Variants in COL9A3 observed in about 807,000 individuals in gnomAD.
The protein encoded by COL9A3 is collagen alpha-3(IX) chain.
In COL9A3, 82 loss-of-function variants were observed where a neutral mutation model predicts 110.2. The ratio of observed to expected loss-of-function variants is 0.74; its 90% CI spans 0.62 to 0.89. COL9A3 has a LOEUF of 0.89. Ranked by LOEUF, COL9A3 falls within the 40% of genes least tolerant of loss-of-function variation. The probability of loss-of-function intolerance (pLI) is 0.00; values close to 1 mark genes in which losing one functional copy is unlikely to be tolerated. For missense variants in COL9A3, 1,066 were observed against 981.3 expected, an observed-to-expected ratio of 1.09 and a Z score of -1.15; for synonymous variants, 494 against 403.8, an observed-to-expected ratio of 1.22 and a Z score of -2.68.
rs2249780 is a variant in COL9A3, at chr20:62,827,459, C to A, written c.846+165C>A. Reference sequence around the variant, plus strand: ...TGAGCCTGACCCTGGAGGGCCCGAGCTCTCTCCCTGGCCCCAGCCGTTCTC... The same window carrying A: ...TGAGCCTGACCCTGGAGGGCCCGAGATCTCTCCCTGGCCCCAGCCGTTCTC... On this transcript the variant is annotated intron_variant, in intron 16 of 31. Coordinates refer to ENST00000649368, the MANE Select transcript of COL9A3 (RefSeq NM_001853.4). Among the ~76,000 whole-genome samples, 18,659 of 152,172 alleles carry A rather than the reference C, an allele frequency of 0.12. 1,363 individuals are homozygous for A. The highest frequency in any genetic ancestry group is 0.16 in the Non-Finnish European group (10,803 of 67,946).
At chr20:62,838,289 G>A (rs2147231279) in intron 30 of COL9A3, among the ~76,000 whole-genome samples, 1 of 152,340 alleles carries the variant, frequency 6.6e-6, no homozygotes, top group East Asian at 1.9e-4. Context: ...TGGGCCGTGT[G>A]CCAGAGCCTG....
Position 62,824,992 on chromosome 20 carries a change from C to T in COL9A3, c.601C>T (p.Gln201Ter). The change falls in exon 12 of 32, where the codon CAG becomes TAG. Residue 201 changes from glutamine to a stop codon, truncating the protein, a stop_gained. Coordinates refer to ENST00000649368, the MANE Select transcript of COL9A3 (RefSeq NM_001853.4). LOFTEE classifies it high-confidence loss of function. ...FKGPTGYKGE[Q>*]GEVGKDGEKG... ...GGGACCCACTGGCTACAAAGGCGAG[C>T]AGGGGGAAGTCGGCAAGGACGGCGA... 1 of 1,610,088 alleles carries T rather than the reference C, an allele frequency of 6.2e-7. No individual in the cohort carries two copies. The highest frequency in any genetic ancestry group is 8.5e-7 in the Non-Finnish European group (1 of 1,179,324).
rs776395616 is a variant in COL9A3 at position 62,829,669 on chromosome 20, G to A, written c.1095G>A (p.Glu365=). 1.1e-5 allele frequency: 17 copies of A among 1,609,314 alleles called. No individual in the cohort carries two copies. In the Admixed American group the frequency reaches 2.2e-4, roughly 21 times the overall value. Residue 365 remains glutamate, a synonymous_variant, in exon 21 of 32, where the codon GAG becomes GAA. Transcript: ENST00000649368. The stretch of plus-strand genomic sequence containing the variant: ...TGGGTGAGGCCGGCCCCTCTGGAGA[G>A]CCAGGCGTCCCTGTGAGTATCTGCG... ...GELGEAGPSG[E]PGVPGDAGMP...
Position 62,818,556 on chromosome 20 carries a change from G to A in COL9A3, c.183+3G>A, listed in dbSNP as rs1242855471. The A allele has an allele frequency of 6.2e-7, 1 of 1,612,818 alleles. No homozygotes were observed. The highest frequency in any genetic ancestry group is 1.1e-5 in the South Asian group (1 of 91,082). On this transcript the variant is annotated splice_donor_region_variant and intron_variant, in intron 3 of 31. Transcript: ENST00000649368. The stretch of plus-strand genomic sequence containing the variant: ...CTCCAGGTCTGCCTGGGCCCCCGGT[G>A]AGTGTCCCTGGCTGGGGAGACAGCC...
chr20:62,819,116 G>A (rs963863766), intron 3 of COL9A3, 106 bp from the exon 4 acceptor site: 48 of 1,132,862 alleles, frequency 4.2e-5, no homozygotes, highest in Admixed American at 1.9e-4. Context: ...GGCCCATCCC[G>A]TATGGTTGGG....
At chr20:62,839,673 C>CT (rs2063660127) in intron 31 of COL9A3, among the ~76,000 whole-genome samples, 1 of 138,936 alleles carries the variant, frequency 7.2e-6, no homozygotes, top group Non-Finnish European at 1.6e-5. Flanking sequence ...CCTCCACCCA[C>CT]CCCACCTCTC....
At chr20:62,823,994 T>C (rs1329333432) in intron 10 of COL9A3, among the ~76,000 whole-genome samples, 6 of 139,778 alleles carry the variant, frequency 4.3e-5, no homozygotes, top group African/African-American at 1.1e-4. Context: ...GTCCCGTCAC[T>C]GTGTGGAGTG....
rs1173918047 is a variant in COL9A3, at chr20:62,826,636, A to G, written c.739-131A>G. The stretch of plus-strand genomic sequence containing the variant: ...AGGGATTTGGAGACTACTAGGTGGC[A>G]TCTTGGGGGAACTTGCTGGGGAGCC... On this transcript the variant is annotated intron_variant, in intron 14 of 31. Transcript: ENST00000649368. 4 of 950,342 alleles carry G rather than the reference A, an allele frequency of 4.2e-6. No individual in the cohort carries two copies. The African/African-American group carries it at 6.5e-5, about 15-fold the overall frequency. The allele number at this position is 950,342 out of a possible 1,614,324, so 58.9% of individuals were successfully genotyped here.
chr20:62,823,172 T>C (rs2063524418), intron 10 of COL9A3, among the ~76,000 whole-genome samples: 1 of 152,182 alleles, frequency 6.6e-6, no homozygotes, highest in Non-Finnish European at 1.5e-5. Context: ...TCTTTGTCTC[T>C]ACAAAAAATT....
In COL9A3 at chr20:62,821,528, C is replaced by G. The variant is rs747668713; in HGVS notation, c.367C>G (p.Pro123Ala). ...GCAGGGCAAAGGCCTCCCTGGACCC[C>G]CCGTGAGTACTGACAACCCTTGGGG... ...GLGGKGLPGP[P>A]GEAGVSGPPG... Residue 123 changes from proline to alanine, a missense_variant and splice_region_variant, in exon 7 of 32, where the codon CCC becomes GCC. Physicochemically the swap from Pro to Ala is conservative, Grantham distance 27. Coordinates refer to ENST00000649368, the MANE Select transcript of COL9A3 (RefSeq NM_001853.4). The G allele has an allele frequency of 1.9e-6, 3 of 1,612,844 alleles. No individual in the cohort carries two copies. Among genetic ancestry groups the G allele is most frequent in the Middle Eastern group, 1.6e-4 (1 of 6,062 alleles).
intron 26 of COL9A3, among the ~76,000 whole-genome samples, chr20:62,835,528 C>T (rs1003479404): frequency 5.3e-5 from 8 of 152,186 alleles, no homozygotes; most frequent in South Asian, 2.1e-4. Context: ...ATTAACCCGG[C>T]TGACTGTGTG....
intron 16 of COL9A3, 94 bp downstream of exon 16, chr20:62,827,388 T>C (rs1303570761): frequency 1.5e-6 from 2 of 1,364,350 alleles, no homozygotes; most frequent in African/African-American, 2.9e-5. Flanking sequence ...CACTTGGGAG[T>C]GAGACTGCAA....
At position 62,826,316 on chromosome 20, in the gene COL9A3, A is replaced by C. The variant is rs1600797904; in HGVS notation, c.738+59A>C. The C allele has an allele frequency of 2.7e-6, 4 of 1,464,578 alleles. No individual in the cohort carries two copies. In the East Asian group the frequency reaches 7.4e-5, roughly 27 times the overall value. The allele number at this position is 1,464,578 out of a possible 1,614,324, so 90.7% of individuals were successfully genotyped here. On this transcript the variant is annotated intron_variant, in intron 14 of 31. Coordinates refer to ENST00000649368, the MANE Select transcript of COL9A3 (RefSeq NM_001853.4). ...GGTGGCTGGGGGCCTGGTTGTCTGCACCTCCAGACTTCAGATGGGCCCCGT... is the reference window on the plus strand; with the variant it reads ...GGTGGCTGGGGGCCTGGTTGTCTGCCCCTCCAGACTTCAGATGGGCCCCGT...
At chr20:62,822,215 T>C in intron 9 of COL9A3, 51 bp downstream of exon 9, 1 of 1,045,232 alleles carries the variant, frequency 9.6e-7, no homozygotes, top group Non-Finnish European at 1.5e-6. Flanking sequence ...ACTAGGACAC[T>C]GGGTTGGACC....
At chr20:62,839,817 C>T (rs954615277) in intron 31 of COL9A3, among the ~76,000 whole-genome samples, 7 of 151,090 alleles carry the variant, frequency 4.6e-5, no homozygotes, top group African/African-American at 7.3e-5. Flanking sequence ...CCTCCATGCA[C>T]GCACGCTGCT....
At chr20:62,816,786 T>C (rs1401745337), upstream of COL9A3, among the ~76,000 whole-genome samples, 2 of 152,110 alleles carry the variant, frequency 1.3e-5, no homozygotes, top group African/African-American at 4.8e-5. Flanking sequence ...CTTTCTCTCT[T>C]GCTCAAAGCT....
At chr20:62,819,337 C>G (rs776846997) in intron 4 of COL9A3, 44 bp downstream of exon 4, 1 of 1,571,674 alleles carries the variant, frequency 6.4e-7, no homozygotes, top group Non-Finnish European at 8.7e-7. Context: ...CTCCCCGCTC[C>G]GGGTCCCTGG....
chr20:62,825,009 G>A lies in COL9A3; in HGVS notation c.618G>A (p.Lys206=), dbSNP rs149532889. Residue 206 remains lysine (K), a synonymous_variant, in exon 12 of 32, where the codon AAG becomes AAA. Transcript: ENST00000649368. ...GYKGEQGEVG[K]DGEKGDPGPP... Reference sequence around the variant, plus strand: ...AAGGCGAGCAGGGGGAAGTCGGCAAGGACGGCGAGAAGGTGAAGCTGCCGC... The same window carrying A: ...AAGGCGAGCAGGGGGAAGTCGGCAAAGACGGCGAGAAGGTGAAGCTGCCGC... The A allele has an allele frequency of 6.2e-7, 1 of 1,609,782 alleles. No individual in the cohort carries two copies. Among genetic ancestry groups the A allele is most frequent in the African/African-American group, 1.3e-5 (1 of 74,498 alleles).
intron 10 of COL9A3, among the ~76,000 whole-genome samples, chr20:62,823,362 G>C (rs1162834704): frequency 2.0e-5 from 3 of 152,172 alleles, no homozygotes; most frequent in African/African-American, 7.2e-5. Flanking sequence ...AAGAAAATGG[G>C]CTTCGGAGGC....
Sources: gnomAD v4.1 joint callset for allele counts (sites outside exome capture counted in the v4.1 genomes callset) on GRCh38, gnomAD v4.1.1 for gene constraint, MANE v1.5 for transcripts, NCBI Gene and HGNC (gene_info 2026-07-23, HGNC 2026-07-21) for gene names.